Variants in SLC6A11 observed in about 807,000 individuals in gnomAD.
The protein encoded by SLC6A11 is solute carrier family 6 member 11, also known as sodium- and chloride-dependent GABA transporter 3.
A neutral mutation model predicts 74.8 loss-of-function variants in SLC6A11; 25 were observed. The observed-to-expected ratio is 0.33, with a 90% CI of 0.24 to 0.47. SLC6A11 has a LOEUF of 0.47. Ranked by LOEUF, SLC6A11 falls within the 20% of genes least tolerant of loss-of-function variation. The probability of loss-of-function intolerance (pLI) is 1.00; values close to 1 mark genes in which losing one functional copy is unlikely to be tolerated. For synonymous variants in SLC6A11, 330 were observed against 330.2 expected (o/e 1.00, Z 0.01); for missense variants, 574 against 837.0 (o/e 0.69, Z 3.88).
intron 5 of SLC6A11, among the ~76,000 whole-genome samples, chr3:10,846,113 T>C (rs1694499457): frequency 6.6e-6 from 1 of 152,218 alleles, no homozygotes; most frequent in Non-Finnish European, 1.5e-5. Context: ...TGGTCCATGC[T>C]CAGCAGAGTG....
At chr3:10,929,494 G>T (rs1467883642) in intron 10 of SLC6A11, among the ~76,000 whole-genome samples, 155 bp downstream of exon 10, 1 of 152,102 alleles carries the variant, frequency 6.6e-6, no homozygotes, top group Non-Finnish European at 1.5e-5. Context: ...AGGATCTAAT[G>T]GAAGTTCTCA....
chr3:10,863,806 C>G, intron 5 of SLC6A11, among the ~76,000 whole-genome samples: 1 of 152,112 alleles, frequency 6.6e-6, no homozygotes, highest in East Asian at 1.9e-4. Context: ...TCAGGGGACA[C>G]AGGAGGACAT....
rs77879859 is a variant in SLC6A11 at position 10,820,999 on chromosome 3, C to T, written c.532+1147C>T. ...AGACCTAGGAGATGCTGCAGTCTGG[C>T]TTCTAGCCCTATGTGATGCCTGACT... is the stretch of plus-strand genomic sequence containing the variant. On this transcript the variant is annotated intron_variant, in intron 3 of 13. Transcript: ENST00000254488. Among the ~76,000 whole-genome samples the T allele has an allele frequency of 3.4e-4, 52 of 152,314 alleles. No individual in the cohort carries two copies. The East Asian group carries it at 7.5e-3, about 22-fold the overall frequency.
intron 5 of SLC6A11, among the ~76,000 whole-genome samples, chr3:10,853,803 GT>G (rs1448991538): frequency 6.6e-6 from 1 of 152,218 alleles, no homozygotes; most frequent in African/African-American, 2.4e-5. Flanking sequence ...CTTGATTCAT[GT>G]TTGATGGATG....
chr3:10,898,542 T>C (rs1405693854), intron 6 of SLC6A11, among the ~76,000 whole-genome samples: 2 of 152,218 alleles, frequency 1.3e-5, no homozygotes, highest in African/African-American at 4.8e-5. Flanking sequence ...ATGCCACCAG[T>C]CTCTTTGCTA....
At chr3:10,834,265 A>T (rs1341654309) in intron 4 of SLC6A11, among the ~76,000 whole-genome samples, 1 of 151,898 alleles carries the variant, frequency 6.6e-6, no homozygotes, top group Non-Finnish European at 1.5e-5. Context: ...TGCCTGCTTT[A>T]TCCCAGGTGC....
chr3:10,902,413 TTC>T (rs1400959202), intron 6 of SLC6A11, among the ~76,000 whole-genome samples: 1 of 152,216 alleles, frequency 6.6e-6, no homozygotes, highest in Non-Finnish European at 1.5e-5. Flanking sequence ...TCTGATTTAG[TTC>T]ACCTGATGGG....
intron 4 of SLC6A11, among the ~76,000 whole-genome samples, chr3:10,840,169 C>T (rs1479398029): frequency 6.6e-6 from 1 of 152,156 alleles, no homozygotes; most frequent in Non-Finnish European, 1.5e-5. Flanking sequence ...CAGTCTAGCC[C>T]CTGCTCCCCA....
intron 4 of SLC6A11, among the ~76,000 whole-genome samples, chr3:10,842,707 G>A (rs1694453300): frequency 6.6e-6 from 1 of 152,060 alleles, no homozygotes; most frequent in Non-Finnish European, 1.5e-5. Context: ...ATAGTGCCTG[G>A]TGCCTAGTAG....
At chr3:10,930,398 A>G (rs1166299866) in intron 10 of SLC6A11, among the ~76,000 whole-genome samples, 2 of 152,206 alleles carry the variant, frequency 1.3e-5, no homozygotes, top group South Asian at 2.1e-4. Context: ...CTCAGAGCCA[A>G]TTCAGCACCT....
At chr3:10,893,655 C>G (rs1045763257) in intron 6 of SLC6A11, among the ~76,000 whole-genome samples, 1 of 152,098 alleles carries the variant, frequency 6.6e-6, no homozygotes, top group African/African-American at 2.4e-5. Context: ...GTCGTGAACG[C>G]GTCTCTTCCA....
At chr3:10,908,824 C>T (rs1385176812) in intron 6 of SLC6A11, among the ~76,000 whole-genome samples, 1 of 149,774 alleles carries the variant, frequency 6.7e-6, no homozygotes, top group East Asian at 2.0e-4. Context: ...GATTTGGGCT[C>T]ATACCCTCTG....
At chr3:10,859,940 A>T (rs1413854805) in intron 5 of SLC6A11, among the ~76,000 whole-genome samples, 1 of 152,218 alleles carries the variant, frequency 6.6e-6, no homozygotes, top group Non-Finnish European at 1.5e-5. Context: ...TTCCAAAGGA[A>T]TTGGCAGATT....
At chr3:10,930,680 CA>C (rs1276647710) in intron 10 of SLC6A11, among the ~76,000 whole-genome samples, 1 of 152,080 alleles carries the variant, frequency 6.6e-6, no homozygotes, top group Non-Finnish European at 1.5e-5. Flanking sequence ...GACAGAATTC[CA>C]AGAGGAGCAG....
chr3:10,825,673 T>A (rs1048260843), intron 4 of SLC6A11, among the ~76,000 whole-genome samples: 8 of 152,234 alleles, frequency 5.3e-5, no homozygotes, highest in Non-Finnish European at 1.0e-4. Context: ...TTTACAGTTT[T>A]TTTTCATATT....
At position 10,821,804 on chromosome 3, in the gene SLC6A11, A is replaced by AT. The variant is rs67912503; in HGVS notation, c.533-1487dup. 8.1e-4 allele frequency among the ~76,000 whole-genome samples: 121 copies of AT among 149,964 alleles called. 1 individual carries two copies. The highest frequency in any genetic ancestry group is 1.9e-3 in the East Asian group (10 of 5,144). On this transcript the variant is annotated intron_variant, in intron 3 of 13. Transcript: ENST00000254488. ...AACTGGTCAACTTGGGTGTCCAGTA[A>AT]TTTTTTTTTTTAACTCTAGGAAGAA... is the stretch of plus-strand genomic sequence containing the variant.
intron 5 of SLC6A11, among the ~76,000 whole-genome samples, chr3:10,871,272 G>T (rs1439447667): frequency 1.3e-5 from 2 of 152,142 alleles, no homozygotes; most frequent in African/African-American, 2.4e-5. Context: ...CATCAAAGTG[G>T]CCCCACAGGT....
intron 5 of SLC6A11, among the ~76,000 whole-genome samples, chr3:10,869,499 C>T (rs79934287): frequency 2.8e-4 from 43 of 152,338 alleles, no homozygotes; most frequent in Middle Eastern, 6.8e-3. Flanking sequence ...ACAGGACAAA[C>T]GTCTTGGGTG....
chr3:10,923,558 C>T (rs1264663200), intron 8 of SLC6A11, among the ~76,000 whole-genome samples: 2 of 152,024 alleles, frequency 1.3e-5, no homozygotes, highest in Non-Finnish European at 2.9e-5. Context: ...ACAGCTATTC[C>T]TTGGAGAAGA....
Sources: gnomAD v4.1 joint callset for allele counts (sites outside exome capture counted in the v4.1 genomes callset) on GRCh38, gnomAD v4.1.1 for gene constraint, MANE v1.5 for transcripts, NCBI Gene and HGNC (gene_info 2026-07-23, HGNC 2026-07-21) for gene names.